Variants in MYT1L observed in about 807,000 individuals in gnomAD.
The protein encoded by MYT1L is myelin transcription factor 1-like protein.
In MYT1L, 12 loss-of-function variants were observed where a neutral mutation model predicts 126.7. The ratio of observed to expected loss-of-function variants is 0.09; its 90% CI spans 0.06 to 0.15. The LOEUF is 0.15. Ranked by LOEUF, MYT1L falls within the 10% of genes least tolerant of loss-of-function variation. MYT1L has a pLI of 1.00. For missense variants in MYT1L, 979 were observed against 1,585.2 expected (o/e 0.62, Z 6.49); for synonymous variants, 541 against 604.2 (o/e 0.90, Z 1.53).
At chr2:1,840,679 T>C in intron 20 of MYT1L, 81 bp downstream of exon 20, 1 of 1,000,878 alleles carries the variant, frequency 1.0e-6, no homozygotes, top group Admixed American at 2.4e-5. Flanking sequence ...TTTTTCTTGT[T>C]GACATATACT....
chr2:1,871,286 C>T (rs1455871708), intron 18 of MYT1L, among the ~76,000 whole-genome samples: 2 of 152,244 alleles, frequency 1.3e-5, no homozygotes, highest in Non-Finnish European at 2.9e-5. Flanking sequence ...CACGTGTCTC[C>T]GTGCGCTGAT....
At chr2:1,978,808 G>A (rs1470875694) in intron 8 of MYT1L, among the ~76,000 whole-genome samples, 1 of 152,064 alleles carries the variant, frequency 6.6e-6, no homozygotes, top group Admixed American at 6.6e-5. Context: ...TTACCATCCT[G>A]CCACTCCCAG....
chr2:2,211,828 A>C (rs1466199529), intron 2 of MYT1L, among the ~76,000 whole-genome samples: 6 of 141,810 alleles, frequency 4.2e-5, no homozygotes, highest in Admixed American at 6.9e-5. Context: ...AAAACCAAAC[A>C]AAAAAAAAAC....
At chr2:2,133,830 C>T (rs1353284747) in intron 3 of MYT1L, among the ~76,000 whole-genome samples, 5 of 152,020 alleles carry the variant, frequency 3.3e-5, no homozygotes, top group Non-Finnish European at 7.3e-5. Context: ...CCACTATGCC[C>T]GGGTGCTTAG....
chr2:2,169,661 TG>T (rs67455464), intron 3 of MYT1L, among the ~76,000 whole-genome samples: 6,554 of 152,274 alleles, frequency 0.043, 160 homozygotes, highest in Middle Eastern at 0.078. Context: ...TTTACATTTT[TG>T]TTTTGTAGTT....
At chr2:2,098,814 T>C (rs143294836) in intron 3 of MYT1L, among the ~76,000 whole-genome samples, 1 of 152,378 alleles carries the variant, frequency 6.6e-6, no homozygotes, top group East Asian at 1.9e-4. Flanking sequence ...TGTAAACCAT[T>C]TGTGTTTGTG....
Position 2,173,005 on chromosome 2 carries a change from C to T in MYT1L, c.-420-17G>A, listed in dbSNP as rs937820798. On this transcript the variant is annotated splice_polypyrimidine_tract_variant and intron_variant, in intron 2 of 24. Transcript: ENST00000647738. ...GTTCATTTTCTAAAGGATAGAGCGA[C>T]AACACAAAATACCTTAAGTAAGAGA... The T allele has an allele frequency of 6.6e-6, 1 of 152,238 alleles. No homozygotes were observed. Among genetic ancestry groups the T allele is most frequent in the Non-Finnish European group, 1.5e-5 (1 of 68,062 alleles). The allele number at this position is 152,238 out of a possible 1,614,324, so 9.4% of individuals were successfully genotyped here.
At chr2:1,883,703 A>G (rs1204659623) in intron 18 of MYT1L, among the ~76,000 whole-genome samples, 2 of 152,168 alleles carry the variant, frequency 1.3e-5, no homozygotes, top group Non-Finnish European at 2.9e-5. Flanking sequence ...ATCGACGCGC[A>G]AAAGTCTGCC....
intron 4 of MYT1L, among the ~76,000 whole-genome samples, chr2:2,048,300 C>A (rs2068427208): frequency 6.6e-6 from 1 of 152,164 alleles, no homozygotes; most frequent in Admixed American, 6.5e-5. Context: ...GATACCTCTT[C>A]CTGAGATTTA....
chr2:1,826,945 CT>C (rs1028859987), intron 21 of MYT1L: 3 of 152,192 alleles, frequency 2.0e-5, no homozygotes, highest in African/African-American at 7.2e-5. Flanking sequence ...GTCCTGCTTT[CT>C]CCAGAGCAGA....
intron 3 of MYT1L, among the ~76,000 whole-genome samples, chr2:2,082,684 G>A (rs957028452): frequency 6.6e-6 from 1 of 152,196 alleles, no homozygotes; most frequent in African/African-American, 2.4e-5. Flanking sequence ...TTATCATAAT[G>A]CTGTTCACAT....
At chr2:1,996,887 AC>A (rs2149609685) in intron 5 of MYT1L, among the ~76,000 whole-genome samples, 1 of 79,822 alleles carries the variant, frequency 1.3e-5, no homozygotes, top group African/African-American at 4.9e-5. Flanking sequence ...TTCAGTGTGG[AC>A]TGCATGGAAC....
Position 1,851,839 on chromosome 2 carries a change from A to C in MYT1L, c.2712-136T>G. 6.2e-6 allele frequency: 5 copies of C among 812,718 alleles called. No homozygotes were observed. The South Asian group carries it at 8.2e-5, about 13-fold the overall frequency. The allele number at this position is 812,718 out of a possible 1,614,324, so 50.3% of individuals were successfully genotyped here. ...TTGAAAGAGGCTGAGTGGAGCCGGA[A>C]GCTCCCTCATGGAGCTGGAAGTCAC... On this transcript the variant is annotated intron_variant, in intron 18 of 24. Transcript: ENST00000647738.
chr2:2,263,373 G>C (rs1045813892), intron 2 of MYT1L, among the ~76,000 whole-genome samples: 1 of 152,008 alleles, frequency 6.6e-6, no homozygotes. Flanking sequence ...CTGCACATAT[G>C]CAAAACCCGG....
chr2:2,018,763 C>T (rs772717126), intron 4 of MYT1L, among the ~76,000 whole-genome samples: 11 of 152,168 alleles, frequency 7.2e-5, no homozygotes, highest in Non-Finnish European at 1.5e-4. Flanking sequence ...CAACAACTCC[C>T]CCAGAAAGGT....
chr2:1,976,874 T>C (rs2149477587), intron 8 of MYT1L, among the ~76,000 whole-genome samples: 1 of 152,296 alleles, frequency 6.6e-6, no homozygotes, highest in South Asian at 2.1e-4. Context: ...TTTGCACCGT[T>C]TTACATAATA....
intron 4 of MYT1L, among the ~76,000 whole-genome samples, chr2:2,046,690 G>A (rs1348103041): frequency 6.6e-6 from 1 of 152,162 alleles, no homozygotes; most frequent in African/African-American, 2.4e-5. Flanking sequence ...CATGCTCTTG[G>A]CTTCTGCACT....
chr2:1,948,237 G>A (rs532398499), intron 8 of MYT1L, among the ~76,000 whole-genome samples: 7 of 152,168 alleles, frequency 4.6e-5, no homozygotes, highest in African/African-American at 7.2e-5. Context: ...ATCATCTGGC[G>A]TCAAACTTCC....
chr2:2,142,213 G>A (rs569229362), intron 3 of MYT1L, among the ~76,000 whole-genome samples: 1 of 152,208 alleles, frequency 6.6e-6, no homozygotes, highest in African/African-American at 2.4e-5. Context: ...AACATCTTGT[G>A]TTACGAGTTG....
Sources: allele counts gnomAD v4.1 joint callset (sites outside exome capture counted in the v4.1 genomes callset), GRCh38; gene constraint gnomAD v4.1.1; transcripts MANE v1.5; gene names NCBI Gene and HGNC (gene_info 2026-07-23, HGNC 2026-07-21).